Variants in VPS13A observed in about 807,000 individuals in gnomAD.
The protein encoded by VPS13A is intermembrane lipid transfer protein VPS13A.
In VPS13A, 264 loss-of-function variants were observed where a neutral mutation model predicts 390.9. The observed-to-expected ratio is 0.68, with a 90% confidence interval of 0.61 to 0.75. The LOEUF (loss-of-function observed/expected upper bound fraction) is 0.75, where lower values mean the gene tolerates loss of function less well. Among genes scored for constraint, VPS13A ranks in the 30% least tolerant of loss-of-function variants. VPS13A has a pLI of 0.00. For synonymous variants in VPS13A, 1,231 were observed against 1,227.1 expected, an observed-to-expected ratio of 1.00 and a Z score of -0.07; for missense variants, 3,409 against 3,733.9, an observed-to-expected ratio of 0.91 and a Z score of 2.27.
intron 5 of VPS13A, among the ~76,000 whole-genome samples, chr9:77,207,250 TA>T (rs1825722211): frequency 4.6e-5 from 5 of 108,892 alleles, no homozygotes; most frequent in South Asian, 2.7e-4. Flanking sequence ...TATATATATA[TA>T]TAAAACGTGT....
intron 1 of VPS13A, among the ~76,000 whole-genome samples, chr9:77,185,886 G>C (rs905801467): frequency 1.3e-5 from 2 of 152,160 alleles, no homozygotes; most frequent in East Asian, 3.8e-4. Flanking sequence ...CAGCATTTTG[G>C]GGGACTGAGG....
At chr9:77,411,660 CAAA>C (rs1169254413) in intron 71 of VPS13A, among the ~76,000 whole-genome samples, 661 of 33,846 alleles carry the variant, frequency 0.02, 5 homozygotes, top group African/African-American at 0.07. Context: ...AACTCCATCT[CAAA>C]AAAAAAAAAA....
In VPS13A at chr9:77,247,274, T is replaced by C. The variant is rs777637205; in HGVS notation, c.1916T>C (p.Ile639Thr). 1.9e-6 allele frequency: 3 copies of C among 1,597,834 alleles called. No homozygotes were observed. The South Asian group carries it at 3.4e-5, about 18-fold the overall frequency. The change falls in exon 20 of 72, where the codon ATT becomes ACT. Residue 639 changes from isoleucine to threonine, a missense_variant. Transcript: ENST00000360280. ...SKTATGLLYI[I>T]ETQKVLDLKI... Reference sequence around the variant, plus strand: ...ATTTTTCCAGGTCTACTGTATATTATTGAAACACAGAAAGTTCTTGATCTC... The same window carrying C: ...ATTTTTCCAGGTCTACTGTATATTACTGAAACACAGAAAGTTCTTGATCTC...
At chr9:77,402,731 C>G (rs1370441282) in intron 68 of VPS13A, among the ~76,000 whole-genome samples, 1 of 152,140 alleles carries the variant, frequency 6.6e-6, no homozygotes, top group East Asian at 1.9e-4. Flanking sequence ...CCTTGGGGTC[C>G]CTGTTTGTCC....
intron 34 of VPS13A, among the ~76,000 whole-genome samples, chr9:77,304,469 A>C (rs55707116): frequency 0.087 from 13,234 of 152,222 alleles, 702 homozygotes; most frequent in East Asian, 0.13. Flanking sequence ...GACACAAATA[A>C]TAGGCATGGT....
chr9:77,256,327 A>G lies in VPS13A; in HGVS notation c.2289-3759A>G, dbSNP rs1287994245. On this transcript the variant is annotated intron_variant, in intron 22 of 71. Coordinates refer to ENST00000360280, the MANE Select transcript of VPS13A (RefSeq NM_033305.3). Reference sequence around the variant, plus strand: ...CTTTTTCCTTCTACTCTTGCATTCTAGACTCATTTCATCATTATTGGAAAA... The same window carrying G: ...CTTTTTCCTTCTACTCTTGCATTCTGGACTCATTTCATCATTATTGGAAAA... Among the ~76,000 whole-genome samples, 2 of 152,048 alleles carry G rather than the reference A, an allele frequency of 1.3e-5. 1 individual carries two copies. The highest frequency in any genetic ancestry group is 4.8e-5 in the African/African-American group (2 of 41,410).
Position 77,366,886 on chromosome 9 carries a change from T to C in VPS13A, c.8471+14T>C. 2.5e-6 allele frequency: 4 copies of C among 1,610,010 alleles called. No homozygotes were observed. The highest frequency in any genetic ancestry group is 3.4e-6 in the Non-Finnish European group (4 of 1,178,026). ...TGTAGTTTTTAAGTATGTTTAGTATTCAAATCTGTAAATTGATGGAAATAT... is the reference window on the plus strand; with the variant it reads ...TGTAGTTTTTAAGTATGTTTAGTATCCAAATCTGTAAATTGATGGAAATAT... On this transcript the variant is annotated intron_variant, in intron 61 of 71. Coordinates refer to ENST00000360280, the MANE Select transcript of VPS13A (RefSeq NM_033305.3).
intron 1 of VPS13A, among the ~76,000 whole-genome samples, chr9:77,182,962 G>T (rs575410030): frequency 6.6e-6 from 1 of 152,128 alleles, no homozygotes; most frequent in African/African-American, 2.4e-5. Flanking sequence ...TACAGTTTTC[G>T]ATTTTTAAGG....
chr9:77,314,522 T>C lies in VPS13A; in HGVS notation c.4270T>C (p.Ser1424Pro). The C allele has an allele frequency of 6.2e-7, 1 of 1,612,486 alleles. No individual in the cohort carries two copies. Among genetic ancestry groups the C allele is most frequent in the Non-Finnish European group, 8.5e-7 (1 of 1,179,390 alleles). ...QASFTDVRDPSLKLAEFKLEN... is the reference protein window; with the variant it reads ...QASFTDVRDPPLKLAEFKLEN... ...TTCCTTTACAGATGTTCGTGATCCT[T>C]CTCTGAAACTTGCTGAATTTAAATT... is the stretch of plus-strand genomic sequence containing the variant. Residue 1424 changes from serine to proline, a missense_variant, in exon 37 of 72, where the codon TCT (serine) becomes CCT (proline). By Grantham distance (74) the Ser-to-Pro change is moderately conservative. Coordinates refer to ENST00000360280, the MANE Select transcript of VPS13A (RefSeq NM_033305.3).
chr9:77,372,350 G>A (rs1832822153), intron 67 of VPS13A, among the ~76,000 whole-genome samples: 1 of 151,930 alleles, frequency 6.6e-6, no homozygotes, highest in Non-Finnish European at 1.5e-5. Context: ...CATTCTAACT[G>A]GTGTGAGATG....
chr9:77,238,642 CTATT>C (rs1824287996), intron 19 of VPS13A, among the ~76,000 whole-genome samples: 1 of 152,150 alleles, frequency 6.6e-6, no homozygotes, highest in Non-Finnish European at 1.5e-5. Context: ...ACTTGGACCT[CTATT>C]TATGACAAAA....
chr9:77,385,564 T>C (rs548055770), intron 68 of VPS13A, among the ~76,000 whole-genome samples: 1 of 152,174 alleles, frequency 6.6e-6, no homozygotes, highest in Non-Finnish European at 1.5e-5. Flanking sequence ...TAAATCTATT[T>C]TATGTTTTGT....
At position 77,404,308 on chromosome 9, in the gene VPS13A, C is replaced by G. The variant is rs529434470; in HGVS notation, c.9275+987C>G. ...TGTAGATGAAATTCTCTTATATATA[C>G]CATTATGTACTTAGTTTTAATTTTT... On this transcript the variant is annotated intron_variant, in intron 69 of 71. Coordinates refer to ENST00000360280, the MANE Select transcript of VPS13A (RefSeq NM_033305.3). 2.6e-5 allele frequency among the ~76,000 whole-genome samples: 4 copies of G among 152,084 alleles called. No homozygotes were observed. The East Asian group carries it at 7.7e-4, about 29-fold the overall frequency.
intron 59 of VPS13A, among the ~76,000 whole-genome samples, chr9:77,362,396 A>G (rs7847351): frequency 0.17 from 26,227 of 152,122 alleles, 2,405 homozygotes; most frequent in Middle Eastern, 0.24. Flanking sequence ...TCTTTAAAAG[A>G]CTATTTGTTC....
At chr9:77,279,096 T>C (rs1247780774) in intron 26 of VPS13A, among the ~76,000 whole-genome samples, 4 of 152,236 alleles carry the variant, frequency 2.6e-5, no homozygotes, top group African/African-American at 9.6e-5. Context: ...ATCACCTCGA[T>C]AGACCGTCTT....
At chr9:77,353,721 G>T (rs1831604237) in intron 54 of VPS13A, 80 bp downstream of exon 54, 5 of 1,342,932 alleles carry the variant, frequency 3.7e-6, no homozygotes, top group Non-Finnish European at 5.2e-6. Context: ...AATCTCAAAT[G>T]ATTTAGTTTC....
rs1306189971 is a variant in VPS13A, at chr9:77,305,100, G to A, written c.3960+2038G>A. ...ACTACAGGCATCCGCCACCGCGCCC[G>A]GCTAATTTTTTGTGTTTGTAGTAGA... On this transcript the variant is annotated intron_variant, in intron 34 of 71. Transcript: ENST00000360280. Among the ~76,000 whole-genome samples the A allele has an allele frequency of 3.3e-5, 5 of 151,916 alleles. No individual in the cohort carries two copies. The South Asian group carries it at 6.2e-4, about 19-fold the overall frequency.
intron 68 of VPS13A, among the ~76,000 whole-genome samples, chr9:77,400,759 C>T (rs1834351378): frequency 6.8e-6 from 1 of 147,020 alleles, no homozygotes; most frequent in Non-Finnish European, 1.5e-5. Context: ...ACCCAGGAGG[C>T]AGAGTTTGCA....
chr9:77,194,193 A>G (rs1057239596), intron 1 of VPS13A, among the ~76,000 whole-genome samples: 1 of 151,970 alleles, frequency 6.6e-6, no homozygotes, highest in Non-Finnish European at 1.5e-5. Flanking sequence ...GCGTGGGTGG[A>G]TGCTGGTGGA....
Sources: gnomAD v4.1 joint callset for allele counts (sites outside exome capture counted in the v4.1 genomes callset) on GRCh38, gnomAD v4.1.1 for gene constraint, MANE v1.5 for transcripts, NCBI Gene and HGNC (gene_info 2026-07-23, HGNC 2026-07-21) for gene names.